The following DNAJC24 variants were observed in gnomAD, a reference collection of about 807,000 sequenced individuals.
DNAJC24 encodes the protein dnaJ homolog subfamily C member 24.
In DNAJC24, 17 loss-of-function variants were observed where a neutral mutation model predicts 18.0. The ratio of observed to expected loss-of-function variants is 0.94; its 90% CI spans 0.65 to 1.42. The LOEUF (loss-of-function observed/expected upper bound fraction) is 1.42. DNAJC24 is among the 40% of genes most tolerant of loss of function. The probability of loss-of-function intolerance (pLI) is 0.00; values close to 1 mark genes in which losing one functional copy is unlikely to be tolerated. For missense variants in DNAJC24, 158 were observed against 175.6 expected, an observed-to-expected ratio of 0.90 and a Z score of 0.57; for synonymous variants, 55 against 57.7, an observed-to-expected ratio of 0.95 and a Z score of 0.21.
intron 2 of DNAJC24, among the ~76,000 whole-genome samples, chr11:31,406,851 T>C (rs1338173043): frequency 6.6e-6 from 1 of 152,024 alleles, no homozygotes; most frequent in African/African-American, 2.4e-5. Context: ...GGGGTTACCC[T>C]AATATTGATA....
intron 2 of DNAJC24, among the ~76,000 whole-genome samples, chr11:31,393,559 C>T (rs1952518351): frequency 6.6e-6 from 1 of 152,138 alleles, no homozygotes; most frequent in Admixed American, 6.5e-5. Flanking sequence ...CCCTCTTACT[C>T]TCTCTTGGCC....
intron 3 of DNAJC24, 55 bp downstream of exon 3, chr11:31,415,004 C>G: frequency 6.3e-7 from 1 of 1,576,170 alleles, no homozygotes; most frequent in Non-Finnish European, 8.6e-7. Context: ...GAAGCACACT[C>G]TGCAGCCATT....
At chr11:31,399,346 C>T (rs1278635614) in intron 2 of DNAJC24, among the ~76,000 whole-genome samples, 1 of 151,964 alleles carries the variant, frequency 6.6e-6, no homozygotes, top group African/African-American at 2.4e-5. Flanking sequence ...AATTCAACCA[C>T]GTATCTTAAC....
intron 4 of DNAJC24, among the ~76,000 whole-genome samples, chr11:31,428,209 CTAAAG>C (rs1952884181): frequency 6.6e-6 from 1 of 152,006 alleles, no homozygotes; most frequent in Admixed American, 6.6e-5. Flanking sequence ...CTGGAACTCC[CTAAAG>C]TAAATTTGAC....
rs1427820412 is a variant in DNAJC24 at position 31,374,040 on chromosome 11, A to G, written c.111+3181A>G. On this transcript the variant is annotated intron_variant, in intron 2 of 4. Transcript: ENST00000465995. ...CAACACAATTATGTCATTTGCAGATAACGAGAGTTTTAATTCTGTCTTACC... is the reference window on the plus strand; with the variant it reads ...CAACACAATTATGTCATTTGCAGATGACGAGAGTTTTAATTCTGTCTTACC... 3.5e-5 allele frequency: 12 copies of G among 343,336 alleles called. 2 individuals are homozygous for G. The highest frequency in any genetic ancestry group is 2.2e-5 in the South Asian group (1 of 45,058). The allele number at this position is 343,336 out of a possible 1,614,324, so 21.3% of individuals were successfully genotyped here.
chr11:31,387,828 T>C (rs1952444775), intron 2 of DNAJC24, among the ~76,000 whole-genome samples: 1 of 152,138 alleles, frequency 6.6e-6, no homozygotes, highest in Admixed American at 6.5e-5. Context: ...AAATAGAGAA[T>C]TCAAAATAGG....
intron 2 of DNAJC24, among the ~76,000 whole-genome samples, chr11:31,401,908 T>C (rs952746184): frequency 3.3e-5 from 5 of 152,152 alleles, no homozygotes; most frequent in Admixed American, 6.5e-5. Context: ...ATTTATAGGA[T>C]TATTCACAAA....
chr11:31,415,598 T>G (rs897597933), intron 3 of DNAJC24: 2 of 152,254 alleles, frequency 1.3e-5, no homozygotes, highest in African/African-American at 4.8e-5. Flanking sequence ...CACGAAGTGA[T>G]AGGCTGTCTT....
intron 2 of DNAJC24, 92 bp downstream of exon 2, chr11:31,370,951 C>A (rs12280861): frequency 8.7e-6 from 6 of 687,302 alleles, no homozygotes; most frequent in South Asian, 2.0e-5. Context: ...AAATAGGATA[C>A]CAGTGGCAGG....
intron 2 of DNAJC24, among the ~76,000 whole-genome samples, chr11:31,404,988 A>T (rs1283003201): frequency 6.6e-6 from 1 of 151,960 alleles, no homozygotes; most frequent in African/African-American, 2.4e-5. Flanking sequence ...TTGGTAGTAC[A>T]GAATTGGTAT....
chr11:31,385,415 G>A (rs1952418537), intron 2 of DNAJC24, among the ~76,000 whole-genome samples: 1 of 152,132 alleles, frequency 6.6e-6, no homozygotes, highest in Admixed American at 6.5e-5. Context: ...CTACTGTAAT[G>A]TGCCACAAAA....
At chr11:31,377,190 C>T (rs1952324969) in intron 2 of DNAJC24, among the ~76,000 whole-genome samples, 1 of 152,024 alleles carries the variant, frequency 6.6e-6, no homozygotes, top group African/African-American at 2.4e-5. Flanking sequence ...AATTTAACAC[C>T]TCCTGCACAA....
chr11:31,402,482 T>G (rs1469155606), intron 2 of DNAJC24, among the ~76,000 whole-genome samples: 1 of 152,166 alleles, frequency 6.6e-6, no homozygotes, highest in African/African-American at 2.4e-5. Flanking sequence ...AGCCTTAGCT[T>G]ATTGTAACAT....
intron 4 of DNAJC24, chr11:31,427,931 T>A (rs1212425896): frequency 7.3e-6 from 1 of 136,208 alleles, no homozygotes; most frequent in Non-Finnish European, 1.6e-5. Context: ...CTGGGCAACA[T>A]AGGAAGACTG....
At chr11:31,394,568 C>A in intron 2 of DNAJC24, among the ~76,000 whole-genome samples, 1 of 150,000 alleles carries the variant, frequency 6.7e-6, no homozygotes. Context: ...AATAAAAACC[C>A]AAAATACCAT....
At chr11:31,392,441 G>A (rs1202611950) in intron 2 of DNAJC24, among the ~76,000 whole-genome samples, 1 of 152,062 alleles carries the variant, frequency 6.6e-6, no homozygotes, top group Non-Finnish European at 1.5e-5. Context: ...AGTAGTTTTA[G>A]ACCCAGAGAA....
chr11:31,378,574 C>G (rs1290722108), intron 2 of DNAJC24, among the ~76,000 whole-genome samples: 1 of 151,592 alleles, frequency 6.6e-6, no homozygotes, highest in Non-Finnish European at 1.5e-5. Context: ...TACTGACTAG[C>G]AGCAAGAAAT....
intron 1 of DNAJC24, among the ~76,000 whole-genome samples, chr11:31,370,471 T>A (rs1554929438): frequency 6.6e-6 from 1 of 152,204 alleles, no homozygotes; most frequent in Non-Finnish European, 1.5e-5. Flanking sequence ...TTCTTTTTTT[T>A]AATGCTGTTC....
intron 2 of DNAJC24, chr11:31,396,444 A>T (rs1239390951): frequency 2.1e-5 from 7 of 330,136 alleles, no homozygotes. Context: ...TTCTTAGAGG[A>T]GTTCATAACT....
Sources: gnomAD v4.1 joint callset for allele counts (sites outside exome capture counted in the v4.1 genomes callset) on GRCh38, gnomAD v4.1.1 for gene constraint, MANE v1.5 for transcripts, NCBI Gene and HGNC (gene_info 2026-07-23, HGNC 2026-07-21) for gene names.